ZCCHC7: variants seen among roughly 807,000 people sequenced by gnomAD.
The protein encoded by ZCCHC7 is zinc finger CCHC domain-containing protein 7.
A neutral mutation model predicts 52.0 loss-of-function variants in ZCCHC7; 35 were observed. That is an observed-to-expected ratio of 0.67 (90% confidence interval 0.51 to 0.89). The LOEUF (loss-of-function observed/expected upper bound fraction) is 0.89. Among genes scored for constraint, ZCCHC7 ranks in the 40% least tolerant of loss-of-function variants. The probability of loss-of-function intolerance (pLI) is 0.00; values close to 1 mark genes in which losing one functional copy is unlikely to be tolerated. For synonymous variants in ZCCHC7, 217 were observed against 221.5 expected (o/e 0.98, Z 0.18); for missense variants, 574 against 649.1 (o/e 0.88, Z 1.26).
intron 7 of ZCCHC7, among the ~76,000 whole-genome samples, chr9:37,352,695 T>G (rs1821463674): frequency 6.6e-6 from 1 of 151,218 alleles, no homozygotes; most frequent in Non-Finnish European, 1.5e-5. Context: ...TTTTTTTTTT[T>G]TTGTATTTTT....
At chr9:37,341,802 CAGATCAAGTAGCTGGTGCAA>C (rs1005483211) in intron 6 of ZCCHC7, among the ~76,000 whole-genome samples, 4 of 152,008 alleles carry the variant, frequency 2.6e-5, no homozygotes, top group African/African-American at 9.7e-5. Flanking sequence ...GTGATGCAGG[CAGATCAAGTAGCTGGTGCAA>C]AGCGCTGAGG....
chr9:37,252,588 A>C (rs17487823), intron 2 of ZCCHC7, among the ~76,000 whole-genome samples: 14,699 of 152,222 alleles, frequency 0.097, 943 homozygotes, highest in Middle Eastern at 0.16. Flanking sequence ...AAACACATAG[A>C]GATTTCTATT....
At chr9:37,244,807 AT>A (rs1220049724) in intron 2 of ZCCHC7, among the ~76,000 whole-genome samples, 1 of 151,266 alleles carries the variant, frequency 6.6e-6, no homozygotes, top group African/African-American at 2.4e-5. Flanking sequence ...CCAGTGTTGA[AT>A]TTTTTTTTAA....
intron 6 of ZCCHC7, among the ~76,000 whole-genome samples, chr9:37,348,938 G>A (rs952521409): frequency 6.6e-6 from 1 of 152,144 alleles, no homozygotes; most frequent in African/African-American, 2.4e-5. Flanking sequence ...CACCTGCAGG[G>A]AAACTTTCTC....
At chr9:37,285,142 C>T (rs1407830335) in intron 2 of ZCCHC7, among the ~76,000 whole-genome samples, 1 of 151,922 alleles carries the variant, frequency 6.6e-6, no homozygotes, top group East Asian at 1.9e-4. Context: ...AGATATCCAG[C>T]GCTTGGATTT....
In ZCCHC7 at chr9:37,356,050, A is replaced by G. The variant is rs745410571; in HGVS notation, c.1199-785A>G. Among the ~76,000 whole-genome samples the G allele has an allele frequency of 6.6e-5, 10 of 152,104 alleles. No homozygotes were observed. The East Asian group carries it at 7.7e-4, about 12-fold the overall frequency. The stretch of plus-strand genomic sequence containing the variant: ...TTTTGGTTTTTTTTTAGCTAGTTGT[A>G]TCGACGTCTGTAGCATAAATCCACT... On this transcript the variant is annotated intron_variant, in intron 8 of 8. Coordinates refer to ENST00000336755, the MANE Select transcript of ZCCHC7 (RefSeq NM_032226.3).
intron 2 of ZCCHC7, among the ~76,000 whole-genome samples, chr9:37,281,925 ATTC>A (rs1296862430): frequency 2.0e-5 from 3 of 152,222 alleles, no homozygotes; most frequent in South Asian, 4.1e-4. Context: ...CTGCATTTAA[ATTC>A]TTCTTCTTAA....
At chr9:37,168,026 C>G (rs1049503912) in intron 2 of ZCCHC7, among the ~76,000 whole-genome samples, 13 of 152,168 alleles carry the variant, frequency 8.5e-5, no homozygotes, top group Non-Finnish European at 1.8e-4. Flanking sequence ...GTAGCATTCT[C>G]TCCTTTATTA....
At chr9:37,226,517 G>A (rs1370887133) in intron 2 of ZCCHC7, among the ~76,000 whole-genome samples, 1 of 152,198 alleles carries the variant, frequency 6.6e-6, no homozygotes, top group African/African-American at 2.4e-5. Flanking sequence ...GTGAAGATTA[G>A]TATGTAGATG....
At chr9:37,122,916 G>T (rs1048486840) in intron 1 of ZCCHC7, among the ~76,000 whole-genome samples, 1 of 152,250 alleles carries the variant, frequency 6.6e-6, no homozygotes, top group African/African-American at 2.4e-5. Context: ...TCACCTGGGG[G>T]ACAGAACGAG....
At chr9:37,316,460 G>A (rs963038678) in intron 5 of ZCCHC7, among the ~76,000 whole-genome samples, 2 of 143,842 alleles carry the variant, frequency 1.4e-5, no homozygotes, top group East Asian at 4.0e-4. Context: ...TAGTACCTGG[G>A]ACTACAGGCA....
intron 2 of ZCCHC7, among the ~76,000 whole-genome samples, chr9:37,218,651 A>G (rs990619738): frequency 1.5e-4 from 23 of 152,168 alleles, no homozygotes; most frequent in Non-Finnish European, 2.6e-4. Context: ...TCTACTAAAA[A>G]TACAAAAATT....
chr9:37,189,805 TCAGAACTGTC>T lies in ZCCHC7; in HGVS notation c.610+62867_610+62876del, dbSNP rs1822923053. ...CTTTACAAAACCTTTGCAGTCTTAC[TCAGAACTGTC>T]CAGTGTGTGTGCCAAACATTGGACT... On this transcript the variant is annotated intron_variant, in intron 2 of 8. Coordinates refer to ENST00000336755, the MANE Select transcript of ZCCHC7 (RefSeq NM_032226.3). 2.0e-5 allele frequency among the ~76,000 whole-genome samples: 3 copies of T among 152,322 alleles called. No homozygotes were observed. The East Asian group carries it at 5.8e-4, about 29-fold the overall frequency.
At chr9:37,163,287 C>T (rs894577648) in intron 2 of ZCCHC7, among the ~76,000 whole-genome samples, 1 of 149,704 alleles carries the variant, frequency 6.7e-6, no homozygotes, top group Non-Finnish European at 1.5e-5. Flanking sequence ...ACTTGGGAGG[C>T]TGAGGCACAA....
At chr9:37,144,215 GTACTAA>G (rs1843342382) in intron 2 of ZCCHC7, among the ~76,000 whole-genome samples, 1 of 151,808 alleles carries the variant, frequency 6.6e-6, no homozygotes, top group African/African-American at 2.4e-5. Flanking sequence ...TAATTTAAAA[GTACTAA>G]TACAAGAATG....
At position 37,185,007 on chromosome 9, in the gene ZCCHC7, T is replaced by A. The variant is rs1476907033; in HGVS notation, c.610+58065T>A. 3.9e-5 allele frequency among the ~76,000 whole-genome samples: 6 copies of A among 152,158 alleles called. No individual in the cohort carries two copies. In the East Asian group the frequency reaches 1.2e-3, roughly 29 times the overall value. On this transcript the variant is annotated intron_variant, in intron 2 of 8. Coordinates refer to ENST00000336755, the MANE Select transcript of ZCCHC7 (RefSeq NM_032226.3). ...GTAACTTAGATTTCCACCTACCTGA[T>A]TTCTGGATGTGCCTATTGGAACTTG...
chr9:37,348,347 G>GTTCTTTCGTTCT (rs1554736706), intron 6 of ZCCHC7, among the ~76,000 whole-genome samples: 1 of 135,488 alleles, frequency 7.4e-6, no homozygotes, highest in African/African-American at 3.0e-5. Flanking sequence ...ATACCAGTTC[G>GTTCTTTCGTTCT]TTCTTTCTTT....
chr9:37,351,050 T>A (rs1759066682), intron 7 of ZCCHC7, among the ~76,000 whole-genome samples: 1 of 151,996 alleles, frequency 6.6e-6, no homozygotes, highest in Non-Finnish European at 1.5e-5. Context: ...CTGGTGTAGA[T>A]CTTGGGAGCT....
chr9:37,273,351 A>T (rs1827520023), intron 2 of ZCCHC7, among the ~76,000 whole-genome samples: 1 of 152,124 alleles, frequency 6.6e-6, no homozygotes, highest in Non-Finnish European at 1.5e-5. Flanking sequence ...AAAATACAAA[A>T]AATTAGCCAG....
Sources: gnomAD v4.1 joint callset for allele counts (sites outside exome capture counted in the v4.1 genomes callset) on GRCh38, gnomAD v4.1.1 for gene constraint, MANE v1.5 for transcripts, NCBI Gene and HGNC (gene_info 2026-07-23, HGNC 2026-07-21) for gene names.